The following THSD4 variants were observed in gnomAD, a reference collection of about 807,000 sequenced individuals.
The protein encoded by THSD4 is thrombospondin type 1 domain containing 4.
THSD4 carries 69 observed loss-of-function variants against 119.0 expected under a neutral mutation model. The observed-to-expected ratio is 0.58, with a 90% CI of 0.48 to 0.71. The LOEUF is 0.71. Ranked by LOEUF, THSD4 falls within the 30% of genes least tolerant of loss-of-function variation. The pLI is 0.00. For missense variants in THSD4, 1,393 were observed against 1,391.1 expected (o/e 1.00, Z -0.02); for synonymous variants, 524 against 540.4 (o/e 0.97, Z 0.42).
chr15:71,733,851 C>T (rs992933819), intron 10 of THSD4: 4 of 142,416 alleles, frequency 2.8e-5, no homozygotes, highest in Non-Finnish European at 6.0e-5. Context: ...ACCCAGGAGA[C>T]ACAGGGTGCA....
chr15:71,616,755 G>C (rs2050324873), intron 7 of THSD4, among the ~76,000 whole-genome samples: 1 of 152,226 alleles, frequency 6.6e-6, no homozygotes, highest in African/African-American at 2.4e-5. Flanking sequence ...CTGTAGATGA[G>C]ATTCCTGCAT....
intron 6 of THSD4, among the ~76,000 whole-genome samples, chr15:71,292,516 T>C (rs1407741693): frequency 1.3e-5 from 2 of 152,150 alleles, no homozygotes; most frequent in Non-Finnish European, 2.9e-5. Flanking sequence ...TGCTCGACTG[T>C]CTTCTAAATT....
At chr15:71,135,450 A>G (rs2040542604) in intron 1 of THSD4, among the ~76,000 whole-genome samples, 1 of 150,200 alleles carries the variant, frequency 6.7e-6, no homozygotes, top group South Asian at 2.1e-4. Context: ...GTAAACAGGT[A>G]TGTCTAGTAT....
At chr15:71,479,055 A>AAC (rs1399522301) in intron 7 of THSD4, among the ~76,000 whole-genome samples, 1 of 150,908 alleles carries the variant, frequency 6.6e-6, no homozygotes, top group East Asian at 2.0e-4. Context: ...GGGGAACAGA[A>AAC]ACACCTGCAG....
chr15:71,770,667 A>G (rs1317143805), intron 16 of THSD4, among the ~76,000 whole-genome samples: 4 of 152,192 alleles, frequency 2.6e-5, no homozygotes, highest in African/African-American at 9.7e-5. Flanking sequence ...AAAAGAAAAA[A>G]ATCTATAGGA....
intron 7 of THSD4, among the ~76,000 whole-genome samples, chr15:71,531,154 G>A (rs2048604307): frequency 6.6e-6 from 1 of 152,170 alleles, no homozygotes. Context: ...GGGTCATAAG[G>A]AAGGGGCTGG....
chr15:71,327,049 C>T (rs1269310881), intron 6 of THSD4, among the ~76,000 whole-genome samples: 2 of 151,618 alleles, frequency 1.3e-5, no homozygotes, highest in Admixed American at 1.3e-4. Flanking sequence ...TGCCTGTAAT[C>T]CGAGCTACTC....
chr15:71,206,830 A>G (rs976871420), intron 3 of THSD4, among the ~76,000 whole-genome samples: 3 of 152,048 alleles, frequency 2.0e-5, no homozygotes, highest in Admixed American at 1.3e-4. Flanking sequence ...CATTTAATCT[A>G]TTTATTTTTA....
intron 7 of THSD4, among the ~76,000 whole-genome samples, chr15:71,451,230 G>C (rs1435543949): frequency 6.6e-6 from 1 of 152,148 alleles, no homozygotes; most frequent in African/African-American, 2.4e-5. Flanking sequence ...GTTATGGGAG[G>C]GTGAGTCAGG....
chr15:71,624,791 C>T (rs1327438437), intron 7 of THSD4, among the ~76,000 whole-genome samples: 24 of 152,172 alleles, frequency 1.6e-4, no homozygotes, highest in Admixed American at 1.6e-3. Flanking sequence ...GTCAGCCTTG[C>T]CTGCAGAGAA....
At chr15:71,650,229 T>G (rs746848613) in intron 7 of THSD4, among the ~76,000 whole-genome samples, 17 of 152,094 alleles carry the variant, frequency 1.1e-4, no homozygotes, top group Non-Finnish European at 2.2e-4. Context: ...TCCAGCAGAG[T>G]GGCTGCAACA....
chr15:71,358,840 C>G (rs1267773809), intron 6 of THSD4, among the ~76,000 whole-genome samples: 1 of 152,068 alleles, frequency 6.6e-6, no homozygotes, highest in Non-Finnish European at 1.5e-5. Context: ...GGGGATGATA[C>G]TAATGGGGGT....
At chr15:71,748,281 A>G (rs1249095172) in intron 13 of THSD4, 140 bp from the exon 14 acceptor site, 2 of 1,026,502 alleles carry the variant, frequency 1.9e-6, no homozygotes, top group Non-Finnish European at 2.8e-6. Context: ...TAGGGCTCAG[A>G]TCCCTGCCCC....
intron 8 of THSD4, among the ~76,000 whole-genome samples, chr15:71,690,927 C>A (rs1043540806): frequency 6.6e-6 from 1 of 152,132 alleles, no homozygotes; most frequent in Non-Finnish European, 1.5e-5. Flanking sequence ...CAAACCATAT[C>A]ACATGGCAAA....
At chr15:71,741,083 A>G (rs1336972387) in intron 11 of THSD4, among the ~76,000 whole-genome samples, 1 of 152,198 alleles carries the variant, frequency 6.6e-6, no homozygotes, top group African/African-American at 2.4e-5. Flanking sequence ...AGCTACTAGA[A>G]AAGACATAAG....
At chr15:71,736,631 C>T (rs947131680) in intron 10 of THSD4, among the ~76,000 whole-genome samples, 4 of 151,644 alleles carry the variant, frequency 2.6e-5, no homozygotes, top group African/African-American at 9.7e-5. Context: ...GTCTCTCTCT[C>T]ACTTGCTCTC....
chr15:71,305,673 C>T (rs1260665777), intron 6 of THSD4, among the ~76,000 whole-genome samples: 1 of 152,186 alleles, frequency 6.6e-6, no homozygotes, highest in Non-Finnish European at 1.5e-5. Context: ...TGTGGTAGCT[C>T]TTATCACCCT....
chr15:71,405,647 T>G (rs889122322), intron 6 of THSD4, among the ~76,000 whole-genome samples: 5 of 152,208 alleles, frequency 3.3e-5, no homozygotes, highest in South Asian at 2.1e-4. Context: ...CTTTGGTCCC[T>G]TGCATTTTTG....
rs148450931 is a variant in THSD4 at position 71,169,123 on chromosome 15, A to C, written c.99+14191A>C. ...TCATTAAGAAAAAGTTAAGCCAGTCAATTTAAATGGCTTAAACAGACAGTT... is the reference window on the plus strand; with the variant it reads ...TCATTAAGAAAAAGTTAAGCCAGTCCATTTAAATGGCTTAAACAGACAGTT... On this transcript the variant is annotated intron_variant, in intron 3 of 17. Coordinates refer to ENST00000261862, the MANE Select transcript of THSD4 (RefSeq NM_024817.3). Among the ~76,000 whole-genome samples, 659 of 152,368 alleles carry C rather than the reference A, an allele frequency of 4.3e-3. 2 individuals are homozygous for C. The highest frequency in any genetic ancestry group is 7.2e-3 in the Non-Finnish European group (493 of 68,036).
Sources: gnomAD v4.1 joint callset for allele counts (sites outside exome capture counted in the v4.1 genomes callset) on GRCh38, gnomAD v4.1.1 for gene constraint, MANE v1.5 for transcripts, NCBI Gene and HGNC (gene_info 2026-07-23, HGNC 2026-07-21) for gene names.